Variants in IL1RAPL2 observed in about 807,000 individuals in gnomAD.
The protein encoded by IL1RAPL2 is X-linked interleukin-1 receptor accessory protein-like 2.
A neutral mutation model predicts 44.1 loss-of-function variants in IL1RAPL2; 3 were observed. That is an observed-to-expected ratio of 0.07 (90% CI 0.03 to 0.18). The LOEUF (loss-of-function observed/expected upper bound fraction) is 0.18, where lower values mean the gene tolerates loss of function less well. IL1RAPL2 is among the 10% of genes least tolerant of loss of function. IL1RAPL2 has a pLI of 1.00. For synonymous variants in IL1RAPL2, 181 were observed against 178.8 expected (o/e 1.01, Z -0.10); for missense variants, 391 against 496.4 (o/e 0.79, Z 2.02).
chrX:105,281,986 G>GA (rs200689306), intron 5 of IL1RAPL2, among the ~76,000 whole-genome samples: 7,719 of 109,602 alleles, frequency 0.07, 639 homozygotes, highest in African/African-American at 0.24. Context: ...AGCTTGAATG[G>GA]AAAAAAAATA....
At chrX:104,892,724 T>C (rs1280050979) in intron 2 of IL1RAPL2, among the ~76,000 whole-genome samples, 3 of 111,647 alleles carry the variant, frequency 2.7e-5, no homozygotes, top group Non-Finnish European at 5.6e-5. Flanking sequence ...TCAGTTTTGT[T>C]GATCTTTTCA....
At chrX:105,297,397 C>T (rs1240179017) in intron 5 of IL1RAPL2, among the ~76,000 whole-genome samples, 1 of 111,759 alleles carries the variant, frequency 8.9e-6, no homozygotes, top group East Asian at 2.8e-4. Context: ...AGTCCGTTTT[C>T]ACACTGCTAT....
chrX:104,585,306 TTATATAA>T (rs1928510239), intron 1 of IL1RAPL2, among the ~76,000 whole-genome samples: 2 of 21,157 alleles, frequency 9.5e-5, no homozygotes, highest in Non-Finnish European at 1.4e-4. Flanking sequence ...ATATTATATA[TTATATAA>T]TATATATTAT....
At chrX:105,430,298 C>T (rs1359085228) in intron 5 of IL1RAPL2, among the ~76,000 whole-genome samples, 1 of 111,560 alleles carries the variant, frequency 9.0e-6, no homozygotes, top group Non-Finnish European at 1.9e-5. Flanking sequence ...ACCGGTAGTA[C>T]TCTTTCCTTC....
intron 2 of IL1RAPL2, among the ~76,000 whole-genome samples, chrX:104,882,110 A>C (rs1049020691): frequency 8.9e-6 from 1 of 112,198 alleles, no homozygotes; most frequent in Non-Finnish European, 1.9e-5. Flanking sequence ...ATTTTATAAT[A>C]GACTGGAAAT....
intron 2 of IL1RAPL2, among the ~76,000 whole-genome samples, chrX:104,886,693 C>T (rs1358608588): frequency 2.7e-5 from 3 of 112,105 alleles, no homozygotes; most frequent in Non-Finnish European, 5.6e-5. Flanking sequence ...CTCAAGGATG[C>T]CTTCTTCTGT....
intron 2 of IL1RAPL2, among the ~76,000 whole-genome samples, chrX:105,148,590 A>G (rs909233267): frequency 8.9e-6 from 1 of 111,832 alleles, no homozygotes; most frequent in African/African-American, 3.3e-5. Context: ...GTTTCTCCTT[A>G]AAGAGGGTTT....
intron 5 of IL1RAPL2, among the ~76,000 whole-genome samples, chrX:105,347,968 A>G (rs1839482243): frequency 8.9e-6 from 1 of 111,879 alleles, no homozygotes; most frequent in Non-Finnish European, 1.9e-5. Context: ...CATGAAAAGT[A>G]TCTACCATTC....
intron 2 of IL1RAPL2, among the ~76,000 whole-genome samples, chrX:104,841,007 A>G (rs1921887914): frequency 9.0e-6 from 1 of 110,650 alleles, no homozygotes; most frequent in Non-Finnish European, 1.9e-5. Flanking sequence ...TCCCACTGTT[A>G]TTGTGTGAGA....
At chrX:105,392,262 C>G (rs1215290729) in intron 5 of IL1RAPL2, among the ~76,000 whole-genome samples, 1 of 110,811 alleles carries the variant, frequency 9.0e-6, no homozygotes, top group Non-Finnish European at 1.9e-5. Context: ...AATCAGTTGT[C>G]CATTTAGGAC....
chrX:105,445,781 T>A (rs1173021198), intron 5 of IL1RAPL2, among the ~76,000 whole-genome samples: 1 of 111,715 alleles, frequency 9.0e-6, no homozygotes, highest in Non-Finnish European at 1.9e-5. Context: ...TTTTTTTGAA[T>A]GTTTTAAGAC....
chrX:105,578,250 A>C (rs1403417589), intron 6 of IL1RAPL2, among the ~76,000 whole-genome samples: 1 of 110,916 alleles, frequency 9.0e-6, no homozygotes, highest in East Asian at 2.9e-4. Context: ...GTATTGTCTC[A>C]CATTGGGGAT....
intron 6 of IL1RAPL2, among the ~76,000 whole-genome samples, chrX:105,571,634 G>C (rs2037015043): frequency 9.0e-6 from 1 of 110,774 alleles, no homozygotes; most frequent in African/African-American, 3.3e-5. Context: ...GTTGAGATAT[G>C]GGTGATAATG....
chrX:105,388,356 A>ATTTTTTTTTTTTTTTTTTTTTTTT (rs772573698), intron 5 of IL1RAPL2, among the ~76,000 whole-genome samples: 2 of 61,264 alleles, frequency 3.3e-5, no homozygotes, highest in African/African-American at 2.1e-4. Flanking sequence ...ACCAAAGCAG[A>ATTTTTTTTTTTTTTTTTTTTTTTT]TTTTTTTTTT....
chrX:104,676,231 C>T (rs1170453145), intron 2 of IL1RAPL2, among the ~76,000 whole-genome samples: 1 of 111,739 alleles, frequency 8.9e-6, no homozygotes, highest in African/African-American at 3.3e-5. Flanking sequence ...TTTGCAGTGG[C>T]TGGTACCAGT....
chrX:105,656,729 C>A (rs1275876897), intron 6 of IL1RAPL2, among the ~76,000 whole-genome samples: 1 of 111,671 alleles, frequency 9.0e-6, no homozygotes, highest in Non-Finnish European at 1.9e-5. Context: ...TCTTTTGGTT[C>A]TCTTCTCTCT....
chrX:105,500,879 C>T (rs1377319183), intron 6 of IL1RAPL2, among the ~76,000 whole-genome samples: 1 of 111,725 alleles, frequency 9.0e-6, no homozygotes. Context: ...TTGAGTTTAT[C>T]ATCACTTCCC....
chrX:105,030,751 A>G (rs952446366), intron 2 of IL1RAPL2, among the ~76,000 whole-genome samples: 1 of 111,479 alleles, frequency 9.0e-6, no homozygotes, highest in Non-Finnish European at 1.9e-5. Flanking sequence ...TTCCATATGA[A>G]CTTTATAGTT....
At chrX:105,640,656 A>G (rs573164353) in intron 6 of IL1RAPL2, among the ~76,000 whole-genome samples, 127 of 18,140 alleles carry the variant, frequency 7.0e-3, no homozygotes, top group East Asian at 0.019. Context: ...ATGTGTGTGT[A>G]TATATATATA....
Sources: allele counts gnomAD v4.1 joint callset (sites outside exome capture counted in the v4.1 genomes callset), GRCh38; gene constraint gnomAD v4.1.1; transcripts MANE v1.5; gene names NCBI Gene and HGNC (gene_info 2026-07-23, HGNC 2026-07-21).